IGF2R: variants seen among roughly 807,000 people sequenced by gnomAD.
The protein encoded by IGF2R is insulin like growth factor 2 receptor.
A neutral mutation model predicts 270.6 loss-of-function variants in IGF2R; 91 were observed. The ratio of observed to expected loss-of-function variants is 0.34; its 90% CI spans 0.28 to 0.40. The LOEUF is 0.40. Among genes scored for constraint, IGF2R ranks in the 10% least tolerant of loss-of-function variants. IGF2R has a pLI of 1.00. For synonymous variants in IGF2R, 1,316 were observed against 1,258.9 expected (o/e 1.05, Z -0.96); for missense variants, 2,805 against 3,188.3 (o/e 0.88, Z 2.90).
chr6:160,015,134 T>C (rs1777255695), intron 4 of IGF2R, among the ~76,000 whole-genome samples: 1 of 152,254 alleles, frequency 6.6e-6, no homozygotes, highest in Admixed American at 6.5e-5. Flanking sequence ...TGATAGCCTA[T>C]TTCTAAGAGA....
At chr6:160,065,814 G>GTGTATATAGATA in intron 29 of IGF2R, among the ~76,000 whole-genome samples, 1 of 78,392 alleles carries the variant, frequency 1.3e-5, no homozygotes, top group Non-Finnish European at 2.3e-5. Flanking sequence ...GTGTGTGTGT[G>GTGTATATAGATA]TATATATATA....
intron 16 of IGF2R, 89 bp from the exon 17 acceptor site, chr6:160,047,703 A>G (rs1190738719): frequency 1.2e-6 from 1 of 833,656 alleles, no homozygotes; most frequent in Non-Finnish European, 2.1e-6. Flanking sequence ...TCTCATTGGG[A>G]ACATTGCTCT....
At chr6:160,010,435 G>T in intron 3 of IGF2R, 1 of 358,216 alleles carries the variant, frequency 2.8e-6, no homozygotes, top group Non-Finnish European at 5.1e-6. Flanking sequence ...CAATGTACTT[G>T]CACAGCTGGG....
At chr6:159,996,290 G>A (rs1784052646) in intron 2 of IGF2R, among the ~76,000 whole-genome samples, 1 of 152,190 alleles carries the variant, frequency 6.6e-6, no homozygotes, top group African/African-American at 2.4e-5. Flanking sequence ...CCAGCAGGTG[G>A]TATTTATGGG....
chr6:159,977,160 A>G (rs910589190), intron 1 of IGF2R, among the ~76,000 whole-genome samples: 27 of 151,812 alleles, frequency 1.8e-4, no homozygotes, highest in African/African-American at 6.3e-4. Context: ...GCTTCTGTCA[A>G]CCCTCTGAAG....
chr6:160,083,896 C>T, intron 39 of IGF2R, 54 bp from the exon 40 acceptor site: 3 of 1,215,294 alleles, frequency 2.5e-6, no homozygotes, highest in Non-Finnish European at 3.7e-6. Flanking sequence ...TCTTCCCTTT[C>T]TGCATAGACA....
At chr6:160,083,137 G>A (rs1330776780) in intron 39 of IGF2R, among the ~76,000 whole-genome samples, 1 of 152,176 alleles carries the variant, frequency 6.6e-6, no homozygotes, top group Non-Finnish European at 1.5e-5. Context: ...TGTAGTAGGA[G>A]AGCAGGGTGA....
At chr6:160,076,741 A>C (rs955048841) in intron 36 of IGF2R, among the ~76,000 whole-genome samples, 3 of 152,214 alleles carry the variant, frequency 2.0e-5, no homozygotes, top group African/African-American at 7.2e-5. Context: ...CTCCTTTGAC[A>C]TGAATGGACT....
chr6:160,012,879 G>A (rs1422973614), intron 4 of IGF2R, among the ~76,000 whole-genome samples: 2 of 151,078 alleles, frequency 1.3e-5, no homozygotes, highest in East Asian at 2.0e-4. Flanking sequence ...CGCCTGCCTC[G>A]GCCTCCCAAA....
chr6:160,086,641 T>G (rs1240690235), intron 41 of IGF2R, among the ~76,000 whole-genome samples: 1 of 152,158 alleles, frequency 6.6e-6, no homozygotes, highest in Non-Finnish European at 1.5e-5. Context: ...TTTTAAAAAT[T>G]TTCCGTAAAA....
At chr6:160,097,307 C>T (rs1026428469) in intron 45 of IGF2R, among the ~76,000 whole-genome samples, 1 of 152,142 alleles carries the variant, frequency 6.6e-6, no homozygotes, top group African/African-American at 2.4e-5. Flanking sequence ...GTTACCCCCA[C>T]CCATCATTGT....
chr6:160,057,968 G>A (rs1272248038), intron 20 of IGF2R, 55 bp from the exon 21 acceptor site: 1 of 1,033,302 alleles, frequency 9.7e-7, no homozygotes, highest in Non-Finnish European at 1.5e-6. Context: ...TGTATGTTAT[G>A]TTCCTGTGGA....
chr6:159,980,094 T>G (rs1347911134), intron 1 of IGF2R, among the ~76,000 whole-genome samples: 1 of 151,650 alleles, frequency 6.6e-6, no homozygotes, highest in African/African-American at 2.4e-5. Context: ...GGCAGGAGAA[T>G]GGTGTGAACC....
chr6:160,030,822 GTTTT>G (rs554469035), intron 7 of IGF2R, among the ~76,000 whole-genome samples: 1 of 133,666 alleles, frequency 7.5e-6, no homozygotes, highest in Non-Finnish European at 1.6e-5. Context: ...AGTTCCCTCT[GTTTT>G]TTTTTTTTTT....
chr6:160,082,893 C>T (rs1393836853), intron 39 of IGF2R, among the ~76,000 whole-genome samples: 1 of 152,222 alleles, frequency 6.6e-6, no homozygotes, highest in African/African-American at 2.4e-5. Flanking sequence ...GTCTGACATT[C>T]TCCCGCCTCT....
At chr6:160,046,741 T>C in intron 15 of IGF2R, 96 bp downstream of exon 15, 2 of 1,274,750 alleles carry the variant, frequency 1.6e-6, no homozygotes, top group Non-Finnish European at 1.1e-6. Flanking sequence ...TGTCATTGCT[T>C]TATGACAAGC....
At chr6:160,015,465 G>C (rs564564133) in intron 4 of IGF2R, among the ~76,000 whole-genome samples, 13 of 152,240 alleles carry the variant, frequency 8.5e-5, no homozygotes, top group Admixed American at 5.9e-4. Flanking sequence ...GAAGTTGGGT[G>C]CCCCTACTTC....
intron 1 of IGF2R, among the ~76,000 whole-genome samples, chr6:159,980,758 C>T (rs889369012): frequency 6.6e-6 from 1 of 151,886 alleles, no homozygotes; most frequent in Non-Finnish European, 1.5e-5. Flanking sequence ...TTTTCTGGGA[C>T]CTTGGTGACA....
Position 160,105,039 on chromosome 6 carries a change from G to T in IGF2R, c.7431G>T (p.Leu2477=), listed in dbSNP as rs1779583647. 2 of 1,610,950 alleles carry T rather than the reference G, an allele frequency of 1.2e-6. No individual in the cohort carries two copies. Among genetic ancestry groups the T allele is most frequent in the East Asian group, 2.2e-5 (1 of 44,826 alleles). ...AQQKTVSSTK[L]VSFHDDSDED... Reference sequence around the variant, plus strand: ...AGAAGACAGTGAGCTCCACCAAGCTGGTGTCCTTCCATGACGACAGCGACG... The same window carrying T: ...AGAAGACAGTGAGCTCCACCAAGCTTGTGTCCTTCCATGACGACAGCGACG... Residue 2477 remains leucine, a synonymous_variant, in exon 48 of 48, where the codon CTG becomes CTT. Coordinates refer to ENST00000356956, the MANE Select transcript of IGF2R (RefSeq NM_000876.4).
Sources: allele counts gnomAD v4.1 joint callset (sites outside exome capture counted in the v4.1 genomes callset), GRCh38; gene constraint gnomAD v4.1.1; transcripts MANE v1.5; gene names NCBI Gene and HGNC (gene_info 2026-07-23, HGNC 2026-07-21).